MTUS2: variants seen among roughly 807,000 people sequenced by gnomAD.
The protein encoded by MTUS2 is microtubule associated scaffold protein 2, also known as microtubule-associated tumor suppressor candidate 2.
MTUS2 carries 40 observed loss-of-function variants against 114.1 expected under a neutral mutation model. The observed-to-expected ratio is 0.35, with a 90% CI of 0.27 to 0.46. The LOEUF is 0.46. Among genes scored for constraint, MTUS2 ranks in the 20% least tolerant of loss-of-function variants. MTUS2 has a pLI of 1.00. For synonymous variants in MTUS2, 688 were observed against 672.0 expected (o/e 1.02, Z -0.37); for missense variants, 1,679 against 1,705.4 (o/e 0.98, Z 0.27).
intron 4 of MTUS2, chr13:29,071,927 A>G (rs1243956541): frequency 6.6e-6 from 1 of 152,236 alleles, no homozygotes; most frequent in Admixed American, 6.5e-5. Flanking sequence ...CCCTATGCCC[A>G]GAAGAGGAGA....
chr13:28,868,978 T>C (rs1271904996), intron 2 of MTUS2, among the ~76,000 whole-genome samples: 1 of 152,174 alleles, frequency 6.6e-6, no homozygotes, highest in Non-Finnish European at 1.5e-5. Flanking sequence ...CCCTTTACTC[T>C]TAGGTGCAAG....
intron 15 of MTUS2, 122 bp downstream of exon 15, chr13:29,501,316 A>G: frequency 1.4e-6 from 1 of 722,292 alleles, no homozygotes; most frequent in Non-Finnish European, 2.4e-6. Context: ...TGTTTTCCCC[A>G]AGACCTGAAG....
rs191211339 is a variant in MTUS2 at position 29,357,935 on chromosome 13, C to A, written c.2906-1327C>A. On this transcript the variant is annotated intron_variant, in intron 7 of 15. Coordinates refer to ENST00000612955, the MANE Select transcript of MTUS2 (RefSeq NM_001033602.4). ...TCCCCTTAAAAGATGAGGCCACTTG[C>A]ACGTTCACAAACCCATTACTCTGCA... 1.1e-4 allele frequency among the ~76,000 whole-genome samples: 16 copies of A among 152,274 alleles called. No individual in the cohort carries two copies. In the East Asian group the frequency reaches 1.9e-3, roughly 18 times the overall value.
chr13:28,993,098 A>C (rs1385771063), intron 2 of MTUS2, among the ~76,000 whole-genome samples: 1 of 152,204 alleles, frequency 6.6e-6, no homozygotes, highest in Non-Finnish European at 1.5e-5. Context: ...ATAATATTTC[A>C]TTGTATGTAT....
chr13:29,428,343 C>CTTT (rs1331994118), intron 8 of MTUS2, among the ~76,000 whole-genome samples: 1 of 152,270 alleles, frequency 6.6e-6, no homozygotes, highest in Non-Finnish European at 1.5e-5. Context: ...TCGGGCGTCC[C>CTTT]CAGGCAGTGC....
At chr13:29,154,651 A>G (rs1566036086) in intron 5 of MTUS2, among the ~76,000 whole-genome samples, 1 of 152,228 alleles carries the variant, frequency 6.6e-6, no homozygotes, top group Non-Finnish European at 1.5e-5. Flanking sequence ...AATGCAGGAA[A>G]AGAACTCAAA....
chr13:29,058,559 G>A, intron 4 of MTUS2, among the ~76,000 whole-genome samples: 1 of 84,060 alleles, frequency 1.2e-5, no homozygotes, highest in East Asian at 3.4e-4. Context: ...TCTCAGCCAG[G>A]TTGATGCTTT....
At chr13:29,382,390 T>A (rs11843786) in intron 8 of MTUS2, among the ~76,000 whole-genome samples, 23,624 of 151,968 alleles carry the variant, frequency 0.16, 2,624 homozygotes, top group African/African-American at 0.32. Context: ...TGGACCAGCA[T>A]GGTGGAGATG....
intron 2 of MTUS2, among the ~76,000 whole-genome samples, chr13:28,955,586 G>A (rs888978429): frequency 9.9e-5 from 15 of 152,166 alleles, no homozygotes; most frequent in South Asian, 6.2e-4. Flanking sequence ...ATGGATGGCC[G>A]TGTCTGAGAT....
chr13:29,498,278 G>C, intron 13 of MTUS2, 140 bp from the exon 14 acceptor site: 1 of 1,215,784 alleles, frequency 8.2e-7, no homozygotes, highest in Non-Finnish European at 1.1e-6. Context: ...AAGGCTGTGA[G>C]CATCCTCTCT....
intron 1 of MTUS2, among the ~76,000 whole-genome samples, chr13:28,827,912 C>T (rs1374566178): frequency 3.3e-5 from 5 of 152,202 alleles, no homozygotes; most frequent in East Asian, 3.9e-4. Flanking sequence ...AAATTAAAAT[C>T]GCTAATGAAG....
At chr13:29,247,222 A>C (rs1004043540) in intron 5 of MTUS2, among the ~76,000 whole-genome samples, 2 of 152,230 alleles carry the variant, frequency 1.3e-5, no homozygotes, top group Non-Finnish European at 2.9e-5. Flanking sequence ...ATGCAGAAGA[A>C]TGAAACGGGA....
chr13:29,322,400 G>A lies in MTUS2; in HGVS notation c.2807-2213G>A, dbSNP rs139617080. Among the ~76,000 whole-genome samples the A allele has an allele frequency of 4.6e-3, 699 of 152,268 alleles. 5 individuals are homozygous for A. Among genetic ancestry groups the A allele is most frequent in the African/African-American group, 0.016 (665 of 41,544 alleles). On this transcript the variant is annotated intron_variant, in intron 6 of 15. Transcript: ENST00000612955. Reference sequence around the variant, plus strand: ...GACTTCAGCAGAGTGCAGTGGCTGGGCTTTCCATACCTGGAAGGTCCAGCC... The same window carrying A: ...GACTTCAGCAGAGTGCAGTGGCTGGACTTTCCATACCTGGAAGGTCCAGCC...
At chr13:28,849,757 GTGCTGCCTCTC>G (rs923638939) in intron 2 of MTUS2, among the ~76,000 whole-genome samples, 1 of 151,940 alleles carries the variant, frequency 6.6e-6, no homozygotes. Context: ...AACATGCCTT[GTGCTGCCTCTC>G]TCTCATTGCC....
intron 6 of MTUS2, among the ~76,000 whole-genome samples, chr13:29,297,662 C>T (rs1175933223): frequency 2.0e-5 from 3 of 152,204 alleles, no homozygotes; most frequent in Non-Finnish European, 4.4e-5. Flanking sequence ...TTTCCCAACT[C>T]CCCTACAGTA....
intron 8 of MTUS2, among the ~76,000 whole-genome samples, chr13:29,408,183 A>G (rs1474847479): frequency 1.3e-5 from 2 of 152,180 alleles, no homozygotes; most frequent in South Asian, 4.1e-4. Context: ...TAACGGGTAT[A>G]TAATGTATCA....
At chr13:29,107,779 T>G (rs1011013197) in intron 5 of MTUS2, among the ~76,000 whole-genome samples, 2 of 152,216 alleles carry the variant, frequency 1.3e-5, no homozygotes, top group Non-Finnish European at 2.9e-5. Context: ...CTTAGATGTC[T>G]CGTTTTGAGG....
chr13:29,096,672 C>T (rs1890191021), intron 4 of MTUS2, among the ~76,000 whole-genome samples: 1 of 152,202 alleles, frequency 6.6e-6, no homozygotes, highest in Admixed American at 6.5e-5. Flanking sequence ...TTGTAGAGGA[C>T]TCTGGAGATC....
intron 5 of MTUS2, among the ~76,000 whole-genome samples, chr13:29,255,662 G>T (rs972878731): frequency 6.6e-6 from 1 of 151,350 alleles, no homozygotes; most frequent in African/African-American, 2.4e-5. Flanking sequence ...TTGCTGACTC[G>T]ACTCACAACT....
Sources: allele counts gnomAD v4.1 joint callset (sites outside exome capture counted in the v4.1 genomes callset), GRCh38; gene constraint gnomAD v4.1.1; transcripts MANE v1.5; gene names NCBI Gene and HGNC (gene_info 2026-07-23, HGNC 2026-07-21).